The following TTC5 variants were observed in gnomAD, a reference collection of about 807,000 sequenced individuals.
TTC5 encodes the protein tetratricopeptide repeat protein 5.
TTC5 carries 46 observed loss-of-function variants against 57.4 expected under a neutral mutation model. The observed-to-expected ratio is 0.80, with a 90% CI of 0.63 to 1.03. TTC5 has a LOEUF of 1.03. Among genes scored for constraint, TTC5 ranks in the 50% least tolerant of loss-of-function variants. TTC5 has a pLI of 0.00. For synonymous variants in TTC5, 190 were observed against 203.5 expected (o/e 0.93, Z 0.57); for missense variants, 504 against 528.1 (o/e 0.95, Z 0.45).
intron 9 of TTC5, among the ~76,000 whole-genome samples, chr14:20,291,394 G>A (rs1285868811): frequency 2.6e-5 from 4 of 152,190 alleles, no homozygotes; most frequent in Non-Finnish European, 5.9e-5. Context: ...CAGTGAGCCA[G>A]ATTTGGTCAA....
rs1220055325 is a variant in TTC5 at position 20,286,986 on chromosome 14, AATACC to A, written c.*2636_*2640del. The A allele has an allele frequency of 4.7e-4, 71 of 152,338 alleles. No homozygotes were observed. Among genetic ancestry groups the A allele is most frequent in the African/African-American group, 1.5e-3 (61 of 41,576 alleles). The allele number at this position is 152,338 out of a possible 1,614,324, so 9.4% of individuals were successfully genotyped here. A position where few individuals can be genotyped will look rare whatever the true frequency, so the allele number is the denominator to read the frequency against. On this transcript the variant is annotated 3_prime_UTR_variant, in exon 10 of 10. Transcript: ENST00000258821. ...CCTGTATTTGCAATACCTAAAAGAT[AATACC>A]AAGCACAGAAGAGGATGGGGAGCAT...
At position 20,299,459 on chromosome 14, in the gene TTC5, G is replaced by A. The variant is rs2318864; in HGVS notation, c.397-11C>T. The A allele has an allele frequency of 0.73, 1,183,242 of 1,611,886 alleles. 437,060 individuals carry two copies. The highest frequency in any genetic ancestry group is 0.83 in the Admixed American group (49,850 of 60,000). On this transcript the variant is annotated splice_polypyrimidine_tract_variant and intron_variant, in intron 3 of 9. Coordinates refer to ENST00000258821, the MANE Select transcript of TTC5 (RefSeq NM_138376.3). ...GACTTTGTTCCTGCACTGCAAATAG[G>A]AAGGGCACATACTCAATCTTCCTGA... is the stretch of plus-strand genomic sequence containing the variant.
intron 7 of TTC5, 39 bp from the exon 8 acceptor site, chr14:20,295,565 G>T: frequency 6.3e-7 from 1 of 1,589,180 alleles, no homozygotes; most frequent in Non-Finnish European, 8.6e-7. Context: ...CTGGAAACTA[G>T]TCGCCTTCCT....
chr14:20,298,785 A>T lies in TTC5; in HGVS notation c.639+12T>A. 1 of 1,595,808 alleles carries T rather than the reference A, an allele frequency of 6.3e-7. No individual in the cohort carries two copies. The highest frequency in any genetic ancestry group is 1.3e-5 in the African/African-American group (1 of 74,662). Reference sequence around the variant, plus strand: ...TGCCTATTCATCTGGCCTGGTGACCATAAGTACTTACTGCTTGGGCATAGG... The same window carrying T: ...TGCCTATTCATCTGGCCTGGTGACCTTAAGTACTTACTGCTTGGGCATAGG... On this transcript the variant is annotated intron_variant, in intron 5 of 9. Coordinates refer to ENST00000258821, the MANE Select transcript of TTC5 (RefSeq NM_138376.3).
At position 20,296,592 on chromosome 14, in the gene TTC5, T is replaced by C. The variant is rs1882069126; in HGVS notation, c.640-146A>G. ...ATTTATACCACAGAAGCAGTTACCG[T>C]ATAACAGTGTGGATATCTTAGTCCC... On this transcript the variant is annotated intron_variant, in intron 5 of 9. Coordinates refer to ENST00000258821, the MANE Select transcript of TTC5 (RefSeq NM_138376.3). The C allele has an allele frequency of 4.4e-6, 3 of 682,256 alleles. No homozygotes were observed. In the South Asian group the frequency reaches 5.2e-5, roughly 12 times the overall value. 42.3% of individuals were successfully genotyped at this position (682,256 alleles called of 1,614,324 possible).
intron 8 of TTC5, chr14:20,292,750 T>C (rs980658860): frequency 1.3e-5 from 2 of 152,224 alleles, no homozygotes; most frequent in East Asian, 1.9e-4. Context: ...AAGCCACAGA[T>C]TGGGCTGTGG....
Position 20,289,484 on chromosome 14 carries a change from G to T in TTC5, c.*143C>A. On this transcript the variant is annotated 3_prime_UTR_variant, in exon 10 of 10. Transcript: ENST00000258821. Reference sequence around the variant, plus strand: ...AGGACAGAGGAGAGAGAAGAGATACGAAGTGTAATACAGGCAGGGAAAGAG... The same window carrying T: ...AGGACAGAGGAGAGAGAAGAGATACTAAGTGTAATACAGGCAGGGAAAGAG... 1.0e-6 allele frequency: 1 copy of T among 976,864 alleles called. No individual in the cohort carries two copies. The highest frequency in any genetic ancestry group is 2.7e-5 in the East Asian group (1 of 37,446). The allele number at this position is 976,864 out of a possible 1,614,324, so 60.5% of individuals were successfully genotyped here.
intron 3 of TTC5, 102 bp from the exon 4 acceptor site, chr14:20,299,550 A>G (rs978467698): frequency 2.9e-6 from 4 of 1,376,216 alleles, no homozygotes; most frequent in Admixed American, 1.8e-5. Context: ...TACCTTTCTA[A>G]GTTTTTTGTT....
intron 8 of TTC5, chr14:20,293,907 A>G (rs11623837): frequency 0.41 from 62,785 of 152,030 alleles, 13,129 homozygotes; most frequent in African/African-American, 0.45. Flanking sequence ...GGAACCCAGA[A>G]GCAGATGGTT....
At chr14:20,301,702 T>G in intron 2 of TTC5, 131 bp downstream of exon 2, 1 of 1,172,404 alleles carries the variant, frequency 8.5e-7, no homozygotes, top group Non-Finnish European at 1.2e-6. Context: ...ACAGGGGCCC[T>G]GAGAAGTAGT....
At chr14:20,296,304 C>A in intron 6 of TTC5, 86 bp downstream of exon 6, 1 of 1,079,172 alleles carries the variant, frequency 9.3e-7, no homozygotes, top group South Asian at 1.3e-5. Context: ...AATCTTGTCC[C>A]TATGCAAACT....
intron 5 of TTC5, among the ~76,000 whole-genome samples, 154 bp downstream of exon 5, chr14:20,298,643 T>G (rs1313547351): frequency 2.0e-5 from 3 of 152,320 alleles, no homozygotes; most frequent in East Asian, 3.9e-4. Flanking sequence ...GTCAGTCATC[T>G]CTGCAGACAC....
intron 9 of TTC5, among the ~76,000 whole-genome samples, chr14:20,290,903 G>A (rs1439386695): frequency 6.6e-6 from 1 of 152,172 alleles, no homozygotes; most frequent in African/African-American, 2.4e-5. Context: ...TGCAAAAACA[G>A]CCACAGACAA....
chr14:20,300,963 C>G (rs1882178149), intron 2 of TTC5, 145 bp from the exon 3 acceptor site: 1 of 656,974 alleles, frequency 1.5e-6, no homozygotes, highest in Non-Finnish European at 2.6e-6. Flanking sequence ...TGAAAGCTCA[C>G]CATAGGCAGA....
chr14:20,300,239 T>A (rs1483724218), intron 3 of TTC5: 5 of 153,806 alleles, frequency 3.3e-5, no homozygotes, highest in African/African-American at 1.0e-4. Context: ...GCTCAAGTGA[T>A]CCTCCTGCCT....
chr14:20,301,909 A>G lies in TTC5; in HGVS notation c.108T>C (p.Val36=). 1.2e-6 allele frequency: 2 copies of G among 1,614,130 alleles called. No individual in the cohort carries two copies. Among genetic ancestry groups the G allele is most frequent in the Non-Finnish European group, 1.7e-6 (2 of 1,180,014 alleles). ...CCTGTTGCTTCCTCCCAGCATCCTCAACACTATGTGTCTCGAAATAGCAGT... is the reference window on the plus strand; with the variant it reads ...CCTGTTGCTTCCTCCCAGCATCCTCGACACTATGTGTCTCGAAATAGCAGT... ...FRDCYFETHS[V]EDAGRKQQDV... is the part of the protein sequence containing the mutation. The change falls in exon 2 of 10, where the codon GTT becomes GTC. Residue 36 remains valine (V), a synonymous_variant. Coordinates refer to ENST00000258821, the MANE Select transcript of TTC5 (RefSeq NM_138376.3).
intron 1 of TTC5, among the ~76,000 whole-genome samples, chr14:20,304,927 C>A (rs1023078070): frequency 2.0e-5 from 3 of 152,062 alleles, no homozygotes; most frequent in African/African-American, 7.2e-5. Context: ...AAAGAAAGTA[C>A]AAAATTACCC....
chr14:20,286,522 C>G lies in TTC5; in HGVS notation c.*3105G>C, dbSNP rs1276861645. 2 of 151,778 alleles carry G rather than the reference C, an allele frequency of 1.3e-5. No homozygotes were observed. Among genetic ancestry groups the G allele is most frequent in the African/African-American group, 2.4e-5 (1 of 41,342 alleles). 9.4% of individuals were successfully genotyped at this position (151,778 alleles called of 1,614,324 possible). ...TGATTCTTTAATAAAAGGTGCTGGG[C>G]TATTTACTCATTATGAAAAAAATTA... is the stretch of plus-strand genomic sequence containing the variant. On this transcript the variant is annotated 3_prime_UTR_variant, in exon 10 of 10. Transcript: ENST00000258821.
chr14:20,299,305 G>A lies in TTC5; in HGVS notation c.540C>T (p.Arg180=). 1 of 1,613,706 alleles carries A rather than the reference G, an allele frequency of 6.2e-7. No homozygotes were observed. Residue 180 remains arginine, a synonymous_variant, in exon 4 of 10, where the codon CGC becomes CGT. Transcript: ENST00000258821. ...LAVQMDVHDG[R]SWYILGNSYL... The stretch of plus-strand genomic sequence containing the variant: ...TCTTTTGAGAGCACTCACACCAGGA[G>A]CGGCCATCATGGACATCCATCTGAA...
Sources: allele counts gnomAD v4.1 joint callset (sites outside exome capture counted in the v4.1 genomes callset), GRCh38; gene constraint gnomAD v4.1.1; transcripts MANE v1.5; gene names NCBI Gene and HGNC (gene_info 2026-07-23, HGNC 2026-07-21).